The following AFTPH variants were observed in gnomAD, a reference collection of about 807,000 sequenced individuals.
The protein encoded by AFTPH is aftiphilin, also known as aftiphilin protein.
A neutral mutation model predicts 72.5 loss-of-function variants in AFTPH; 7 were observed. That is an observed-to-expected ratio of 0.10 (90% CI 0.05 to 0.18). AFTPH has a LOEUF of 0.18. Among genes scored for constraint, AFTPH ranks in the 10% least tolerant of loss-of-function variants. The pLI is 1.00. For missense variants in AFTPH, 979 were observed against 1,060.5 expected (o/e 0.92, Z 1.07); for synonymous variants, 337 against 370.1 (o/e 0.91, Z 1.03).
intron 1 of AFTPH, among the ~76,000 whole-genome samples, chr2:64,539,792 C>T (rs938279628): frequency 2.6e-5 from 4 of 152,018 alleles, no homozygotes; most frequent in African/African-American, 4.8e-5. Flanking sequence ...TTCGGTAGAG[C>T]GGTAGCATGG....
intron 7 of AFTPH, chr2:64,580,561 A>G (rs1673128868): frequency 1.3e-5 from 2 of 152,606 alleles, no homozygotes; most frequent in African/African-American, 4.8e-5. Flanking sequence ...TCAAATCATC[A>G]TGCTTTTTAT....
rs139978710 is a variant in AFTPH at position 64,540,646 on chromosome 2, T to C, written c.-32-10797T>C. ...TGTGTTGCAGCTCATGTAACTGACA[T>C]TATATATATATTTTTACTTTTATGT... On this transcript the variant is annotated intron_variant, in intron 1 of 8. Coordinates refer to ENST00000238856, the Ensembl canonical transcript of AFTPH. 3.3e-3 allele frequency among the ~76,000 whole-genome samples: 498 copies of C among 152,194 alleles called. 1 individual carries two copies. Among genetic ancestry groups the C allele is most frequent in the African/African-American group, 0.011 (473 of 41,524 alleles).
intron 1 of AFTPH, among the ~76,000 whole-genome samples, chr2:64,545,621 C>T (rs1174817655): frequency 9.3e-6 from 1 of 107,460 alleles, no homozygotes; most frequent in African/African-American, 3.3e-5. Flanking sequence ...AAGACCTGAC[C>T]TATTGTTACA....
At position 64,576,406 on chromosome 2, in the gene AFTPH, T is replaced by G. The variant is rs187752026; in HGVS notation, c.2395-3080T>G. On this transcript the variant is annotated intron_variant, in intron 6 of 8. Transcript: ENST00000238856. ...GTACCCATTGAGTTTGTTTTTATCT[T>G]CCAAATTGGCTTGTATTCATTGATC... Among the ~76,000 whole-genome samples, 3 of 152,170 alleles carry G rather than the reference T, an allele frequency of 2.0e-5. No individual in the cohort carries two copies. In the East Asian group the frequency reaches 5.8e-4, roughly 29 times the overall value.
At position 64,577,150 on chromosome 2, in the gene AFTPH, C is replaced by CTG. The variant is rs769734388; in HGVS notation, c.2395-2334_2395-2333dup. 5.9e-5 allele frequency among the ~76,000 whole-genome samples: 9 copies of CTG among 152,282 alleles called. No individual in the cohort carries two copies. In the East Asian group the frequency reaches 1.7e-3, roughly 29 times the overall value. On this transcript the variant is annotated intron_variant, in intron 6 of 8. Transcript: ENST00000238856. ...CTGCTAGGACTGGAATCCAAGCCTCCTGTCTCCATGTTTTTGTTCTTTTTT... is the reference window on the plus strand; with the variant it reads ...CTGCTAGGACTGGAATCCAAGCCTCCTGTGTCTCCATGTTTTTGTTCTTTTTT...
At chr2:64,579,667 A>C (rs765497148) in intron 7 of AFTPH, 121 bp downstream of exon 7, 11 of 844,780 alleles carry the variant, frequency 1.3e-5, no homozygotes, top group Non-Finnish European at 1.8e-5. Context: ...TTATCTTTGG[A>C]AATTCAGGCT....
At chr2:64,550,047 G>A (rs150057143) in intron 1 of AFTPH, among the ~76,000 whole-genome samples, 245 of 152,236 alleles carry the variant, frequency 1.6e-3, no homozygotes, top group African/African-American at 5.5e-3. Flanking sequence ...GCTACATGAC[G>A]CAGCATTCAC....
rs201845417 is a variant in AFTPH, at chr2:64,567,725, A to G, written c.2087+12A>G. On this transcript the variant is annotated intron_variant, in intron 3 of 8. Coordinates refer to ENST00000238856, the Ensembl canonical transcript of AFTPH. ...TTACCTGAAAGTGGGTAAGTAGGAG[A>G]CTGTTTTTAGATAGCATGTGTTTTT... is the stretch of plus-strand genomic sequence containing the variant. 1 of 1,600,418 alleles carries G rather than the reference A, an allele frequency of 6.2e-7. No individual in the cohort carries two copies. Among genetic ancestry groups the G allele is most frequent in the South Asian group, 1.1e-5 (1 of 88,566 alleles).
intron 7 of AFTPH, among the ~76,000 whole-genome samples, chr2:64,584,594 T>C (rs912563177): frequency 2.4e-5 from 1 of 41,144 alleles, no homozygotes. Flanking sequence ...TTAGTCATGA[T>C]TTTTTTTTTT....
chr2:64,582,739 T>G (rs1673282764), intron 7 of AFTPH, among the ~76,000 whole-genome samples: 1 of 152,234 alleles, frequency 6.6e-6, no homozygotes, highest in African/African-American at 2.4e-5. Flanking sequence ...AACTGTATTA[T>G]AATTTGAATG....
intron 2 of AFTPH, among the ~76,000 whole-genome samples, chr2:64,559,193 T>A (rs781146964): frequency 8.5e-5 from 13 of 152,076 alleles, no homozygotes; most frequent in Non-Finnish European, 1.6e-4. Flanking sequence ...ACACTTAATC[T>A]CTTTATGCCC....
intron 1 of AFTPH, among the ~76,000 whole-genome samples, chr2:64,531,936 A>C (rs937008975): frequency 6.6e-6 from 1 of 152,230 alleles, no homozygotes; most frequent in Non-Finnish European, 1.5e-5. Context: ...TATAGAAAGG[A>C]ATACATAGAT....
exon 2 of AFTPH, chr2:64,552,556 T>C (rs1239468373): frequency 1.2e-6 from 2 of 1,614,086 alleles, no homozygotes; most frequent in South Asian, 1.1e-5. Flanking sequence ...CTTGACTTAC[T>C]TACTTCTAAA....
At chr2:64,549,059 T>C (rs1228196171) in intron 1 of AFTPH, among the ~76,000 whole-genome samples, 1 of 152,188 alleles carries the variant, frequency 6.6e-6, no homozygotes, top group Non-Finnish European at 1.5e-5. Context: ...TTTGGGAAAG[T>C]TACTCACTAG....
intron 2 of AFTPH, among the ~76,000 whole-genome samples, chr2:64,564,993 C>A (rs571503461): frequency 6.6e-5 from 10 of 152,012 alleles, no homozygotes; most frequent in Non-Finnish European, 1.3e-4. Context: ...CGTGCGCCAC[C>A]ATGCCCTGCT....
At chr2:64,580,536 G>C (rs1673127505) in intron 7 of AFTPH, 1 of 152,602 alleles carries the variant, frequency 6.6e-6, no homozygotes, top group Admixed American at 6.5e-5. Flanking sequence ...TTTTGCTGTT[G>C]TCTGGTGTCT....
exon 2 of AFTPH, chr2:64,553,047 G>T: frequency 3.7e-6 from 6 of 1,614,156 alleles, no homozygotes; most frequent in Non-Finnish European, 5.1e-6. Flanking sequence ...CACTGAACCT[G>T]TTGCAAAACT....
At chr2:64,592,103 A>G in exon 9 of AFTPH, 1 of 1,275,554 alleles carries the variant, frequency 7.8e-7, no homozygotes, top group Non-Finnish European at 1.1e-6. Context: ...TCAAAAGCAT[A>G]CCTGCTCTAA....
chr2:64,532,270 G>T (rs1669668991), intron 1 of AFTPH, among the ~76,000 whole-genome samples: 1 of 152,120 alleles, frequency 6.6e-6, no homozygotes, highest in Non-Finnish European at 1.5e-5. Flanking sequence ...CTAGAGCATT[G>T]AAAACAATAA....
Sources: gnomAD v4.1 joint callset for allele counts (sites outside exome capture counted in the v4.1 genomes callset) on GRCh38, gnomAD v4.1.1 for gene constraint, MANE v1.5 for transcripts, NCBI Gene and HGNC (gene_info 2026-07-23, HGNC 2026-07-21) for gene names.